ACRV1: variants seen among roughly 807,000 people sequenced by gnomAD.
ACRV1 encodes the protein acrosomal protein SP-10.
Under a neutral mutation model 29.2 loss-of-function variants are expected in ACRV1, and 17 were observed. The observed-to-expected ratio is 0.58, with a 90% CI of 0.40 to 0.87. The LOEUF (loss-of-function observed/expected upper bound fraction) is 0.87. Ranked by LOEUF, ACRV1 falls within the 40% of genes least tolerant of loss-of-function variation. The pLI, the probability that ACRV1 is intolerant of heterozygous loss-of-function variation, is 0.00. For synonymous variants in ACRV1, 98 were observed against 111.6 expected (o/e 0.88, Z 0.77); for missense variants, 294 against 316.0 (o/e 0.93, Z 0.53).
intron 3 of ACRV1, 103 bp downstream of exon 3, chr11:125,676,256 G>A: frequency 3.5e-6 from 5 of 1,414,742 alleles, no homozygotes; most frequent in South Asian, 1.3e-5. Flanking sequence ...GAATCTTCAA[G>A]TTCCTTGATT....
chr11:125,680,589 A>T, intron 1 of ACRV1, 140 bp downstream of exon 1: 1 of 718,544 alleles, frequency 1.4e-6, no homozygotes, highest in Non-Finnish European at 2.4e-6. Context: ...GAGCTCTCCG[A>T]GTTGGACTTG....
rs775114733 is a variant in ACRV1 at position 125,677,994 on chromosome 11, G to A, written c.356C>T (p.Pro119Leu). The A allele has an allele frequency of 3.7e-6, 6 of 1,613,622 alleles. No homozygotes were observed. The highest frequency in any genetic ancestry group is 4.2e-6 in the Non-Finnish European group (5 of 1,179,816). The stretch of plus-strand genomic sequence containing the variant: ...TTCTCCGGAGAGGTGTTCACCTGAA[G>A]GCTGTTCTCCTGAAGGCTGCTCACC... ...TVGEQPSGEQ[P>L]SGEHLSGEQP... Residue 119 changes from proline to leucine, a missense_variant, in exon 2 of 4, where the codon CCT (proline) becomes CTT (leucine). Physicochemically the swap from Pro to Leu is moderately conservative, Grantham distance 98. Coordinates refer to ENST00000533904, the MANE Select transcript of ACRV1 (RefSeq NM_001612.6).
rs1026026185 is a variant in ACRV1 at position 125,671,579 on chromosome 11, G to C, written c.*1014C>G. ...TTATATACAGTAAAATTGACTTCTTGTTGTACTGTTCTAAGAGTTCTTAGA... is the reference window on the plus strand; with the variant it reads ...TTATATACAGTAAAATTGACTTCTTCTTGTACTGTTCTAAGAGTTCTTAGA... On this transcript the variant is annotated 3_prime_UTR_variant, in exon 4 of 4. Coordinates refer to ENST00000533904, the MANE Select transcript of ACRV1 (RefSeq NM_001612.6). 6.6e-6 allele frequency: 1 copy of C among 152,072 alleles called. No homozygotes were observed. Among genetic ancestry groups the C allele is most frequent in the African/African-American group, 2.4e-5 (1 of 41,392 alleles). 9.4% of individuals were successfully genotyped at this position (152,072 alleles called of 1,614,324 possible).
chr11:125,676,224 G>T, intron 3 of ACRV1, 135 bp downstream of exon 3: 1 of 1,206,492 alleles, frequency 8.3e-7, no homozygotes, highest in Non-Finnish European at 1.2e-6. Flanking sequence ...TCTGTTCTTA[G>T]TCCTTGAAAA....
chr11:125,674,442 AGAAAACAT>A (rs539188791), intron 3 of ACRV1, among the ~76,000 whole-genome samples: 67 of 152,358 alleles, frequency 4.4e-4, no homozygotes, highest in African/African-American at 1.4e-3. Context: ...GCATAACTGG[AGAAAACAT>A]GAAAACATGA....
intron 1 of ACRV1, among the ~76,000 whole-genome samples, chr11:125,678,978 T>TTAGATATATATATATATATATATATA (rs1942654367): frequency 1.1e-5 from 1 of 88,434 alleles, no homozygotes; most frequent in African/African-American, 4.3e-5. Flanking sequence ...TCTAGGCATA[T>TTAGATATATATATATATATATATATA]TATATATATA....
chr11:125,680,684 G>A (rs1942755654), intron 1 of ACRV1, 45 bp downstream of exon 1: 2 of 1,564,244 alleles, frequency 1.3e-6, no homozygotes, highest in Non-Finnish European at 1.8e-6. Flanking sequence ...ATGTCTTAAG[G>A]GAGACCCCTT....
intron 3 of ACRV1, among the ~76,000 whole-genome samples, chr11:125,673,054 C>T (rs1033021050): frequency 6.6e-6 from 1 of 152,048 alleles, no homozygotes; most frequent in African/African-American, 2.4e-5. Context: ...ATCCTCCTCA[C>T]CTTGGCCCCT....
rs2134124970 is a variant in ACRV1 at position 125,677,797 on chromosome 11, C to T, written c.553G>A (p.Gly185Ser). Residue 185 changes from glycine (G) to serine (S), a missense_variant and splice_region_variant, in exon 2 of 4, where the codon GGC becomes AGC. Gly to Ser is a moderately conservative substitution (Grantham distance 56). Transcript: ENST00000533904. ...SGAPISSTST[G>S]TILNCYTCAY... The stretch of plus-strand genomic sequence containing the variant: ...TGGCACCCATCCAAACATGGCTCAC[C>T]TGTAGATGTGCTTGAAATTGGTGCA... 6.2e-7 allele frequency: 1 copy of T among 1,614,132 alleles called. No individual in the cohort carries two copies. The highest frequency in any genetic ancestry group is 2.2e-5 in the East Asian group (1 of 44,892).
At chr11:125,677,457 AG>A (rs1386917477) in intron 2 of ACRV1, among the ~76,000 whole-genome samples, 3 of 152,228 alleles carry the variant, frequency 2.0e-5, no homozygotes, top group Non-Finnish European at 2.9e-5. Context: ...AAGCTAATGA[AG>A]GTTAGTCTTC....
Position 125,680,820 on chromosome 11 carries a change from GCTT to G in ACRV1, c.-43_-41del, listed in dbSNP as rs1317447316. Reference sequence around the variant, plus strand: ...AGAGGGGACCCCAGTGTGGGCCACAGCTTCTTCACAGAGCTATGAAGCAAACTG... The same window carrying G: ...AGAGGGGACCCCAGTGTGGGCCACAGCTTCACAGAGCTATGAAGCAAACTG... On this transcript the variant is annotated 5_prime_UTR_variant, in exon 1 of 4. Transcript: ENST00000533904. 1.2e-5 allele frequency: 19 copies of G among 1,558,888 alleles called. 1 individual carries two copies. In the African/African-American group the frequency reaches 1.5e-4, roughly 12 times the overall value.
rs551618078 is a variant in ACRV1, at chr11:125,680,439, G to C, written c.52+290C>G. Among the ~76,000 whole-genome samples the C allele has an allele frequency of 4.6e-5, 7 of 152,290 alleles. No individual in the cohort carries two copies. The East Asian group carries it at 1.3e-3, about 29-fold the overall frequency. The stretch of plus-strand genomic sequence containing the variant: ...GACAAACCTTCATTGGGCTTCTACA[G>C]AACCCCTAAGCCTACTTTTTCATCT... On this transcript the variant is annotated intron_variant, in intron 1 of 3. Coordinates refer to ENST00000533904, the MANE Select transcript of ACRV1 (RefSeq NM_001612.6).
At chr11:125,673,042 C>G (rs1312111715) in intron 3 of ACRV1, among the ~76,000 whole-genome samples, 1 of 151,976 alleles carries the variant, frequency 6.6e-6, no homozygotes, top group Non-Finnish European at 1.5e-5. Flanking sequence ...CAGAGTCTGC[C>G]TATCCTCCTC....
chr11:125,674,633 CTG>C (rs1942395066), intron 3 of ACRV1, among the ~76,000 whole-genome samples: 1 of 152,320 alleles, frequency 6.6e-6, no homozygotes, highest in Non-Finnish European at 1.5e-5. Flanking sequence ...CTTGTGTCCA[CTG>C]TAACTTGCTT....
Position 125,678,085 on chromosome 11 carries a change from CA to C in ACRV1, c.264del (p.His88GlnfsTer23). On this transcript the variant is annotated frameshift_variant, in exon 2 of 4. Transcript: ENST00000533904. LOFTEE classifies it high-confidence loss of function. ...HTVAEHTSGE[H>X]AESEHASGEP... ...TCACCTGAAGCATGCTCACTCTCAG[CA>C]TGTTCTCCAGAAGTGTGCTCGGCCA... The C allele has an allele frequency of 6.2e-7, 1 of 1,614,190 alleles. No homozygotes were observed. The highest frequency in any genetic ancestry group is 2.2e-5 in the East Asian group (1 of 44,882).
intron 2 of ACRV1, 33 bp downstream of exon 2, chr11:125,677,764 T>G: frequency 1.2e-6 from 2 of 1,607,954 alleles, no homozygotes; most frequent in Non-Finnish European, 1.7e-6. Context: ...CCACCTGAAG[T>G]CAATGACTGG....
chr11:125,672,006 A>G lies in ACRV1; in HGVS notation c.*587T>C, dbSNP rs2282535. Reference sequence around the variant, plus strand: ...ATAGCAAATAAGGAATCATTATACTATTATCATTATGTTAGTAGTGGACTA... The same window carrying G: ...ATAGCAAATAAGGAATCATTATACTGTTATCATTATGTTAGTAGTGGACTA... On this transcript the variant is annotated 3_prime_UTR_variant, in exon 4 of 4. Coordinates refer to ENST00000533904, the MANE Select transcript of ACRV1 (RefSeq NM_001612.6). 0.3 allele frequency: 45,990 copies of G among 152,164 alleles called. 7,142 individuals carry two copies. The highest frequency in any genetic ancestry group is 0.42 in the South Asian group (2,029 of 4,826). The allele number at this position is 152,164 out of a possible 1,614,324, so 9.4% of individuals were successfully genotyped here.
At chr11:125,678,461 C>T (rs551613421) in intron 1 of ACRV1, among the ~76,000 whole-genome samples, 164 bp from the exon 2 acceptor site, 1 of 152,142 alleles carries the variant, frequency 6.6e-6, no homozygotes, top group East Asian at 1.9e-4. Context: ...ACTAAGTATC[C>T]CAAAAGGCCA....
intron 1 of ACRV1, among the ~76,000 whole-genome samples, chr11:125,680,134 A>C (rs1334393768): frequency 2.6e-5 from 4 of 152,208 alleles, no homozygotes; most frequent in Non-Finnish European, 2.9e-5. Context: ...ACATTATAGA[A>C]AATACATTGT....
Sources: gnomAD v4.1 joint callset for allele counts (sites outside exome capture counted in the v4.1 genomes callset) on GRCh38, gnomAD v4.1.1 for gene constraint, MANE v1.5 for transcripts, NCBI Gene and HGNC (gene_info 2026-07-23, HGNC 2026-07-21) for gene names.